Variants in MAMDC2 observed in about 807,000 individuals in gnomAD.
MAMDC2 encodes MAM domain-containing protein 2.
In MAMDC2, 57 loss-of-function variants were observed where a neutral mutation model predicts 89.8. That is an observed-to-expected ratio of 0.63 (90% CI 0.51 to 0.79). The LOEUF (loss-of-function observed/expected upper bound fraction) is 0.79. MAMDC2 is among the 30% of genes least tolerant of loss of function. MAMDC2 has a pLI of 0.00. For synonymous variants in MAMDC2, 313 were observed against 293.4 expected (o/e 1.07, Z -0.68); for missense variants, 800 against 820.6 (o/e 0.97, Z 0.31).
intron 2 of MAMDC2, among the ~76,000 whole-genome samples, chr9:70,093,495 G>A (rs1291480047): frequency 2.0e-5 from 3 of 149,474 alleles, no homozygotes; most frequent in South Asian, 2.1e-4. Flanking sequence ...GTAAGATCTC[G>A]GGTTACTGAA....
chr9:70,221,380 TAGAG>T (rs58804811), intron 12 of MAMDC2, among the ~76,000 whole-genome samples: 3 of 7,044 alleles, frequency 4.3e-4, no homozygotes, highest in Non-Finnish European at 5.2e-4. Context: ...TATATATATA[TAGAG>T]AGAGAGAGAG....
intron 2 of MAMDC2, among the ~76,000 whole-genome samples, chr9:70,077,949 A>G (rs967158568): frequency 1.3e-5 from 2 of 151,858 alleles, no homozygotes; most frequent in Admixed American, 1.3e-4. Flanking sequence ...CAGGTAAGAA[A>G]ATTTCATTTG....
intron 5 of MAMDC2, among the ~76,000 whole-genome samples, chr9:70,118,873 T>G (rs1416696041): frequency 1.3e-5 from 2 of 152,226 alleles, no homozygotes; most frequent in Non-Finnish European, 2.9e-5. Flanking sequence ...AACTACAATG[T>G]GATATGAGTT....
chr9:70,140,068 T>C (rs2031155650), intron 7 of MAMDC2, 77 bp from the exon 8 acceptor site: 1 of 1,421,150 alleles, frequency 7.0e-7, no homozygotes, highest in South Asian at 1.6e-5. Context: ...TGTGTATATA[T>C]AAATATCTGT....
In MAMDC2 at chr9:70,218,601, G is replaced by A. The variant is rs201963293; in HGVS notation, c.1911+5G>A. 3.1e-6 allele frequency: 5 copies of A among 1,599,062 alleles called. No individual in the cohort carries two copies. The highest frequency in any genetic ancestry group is 2.2e-5 in the South Asian group (2 of 89,118). On this transcript the variant is annotated splice_donor_5th_base_variant and intron_variant, in intron 12 of 13. Coordinates refer to ENST00000377182, the MANE Select transcript of MAMDC2 (RefSeq NM_153267.5). ...AGCTGTGAGAGGCAACACCAGGTAA[G>A]CCAACAGAGATAAGAACTAAGCAAT...
At chr9:70,152,708 T>G (rs2118456550) in intron 9 of MAMDC2, among the ~76,000 whole-genome samples, 1 of 152,266 alleles carries the variant, frequency 6.6e-6, no homozygotes, top group East Asian at 1.9e-4. Flanking sequence ...TAGAAATAAC[T>G]TTGGCTCCTA....
chr9:70,109,878 A>C, intron 4 of MAMDC2, 74 bp downstream of exon 4: 1 of 1,229,312 alleles, frequency 8.1e-7, no homozygotes, highest in Admixed American at 1.7e-5. Context: ...GAGGGAACTG[A>C]ATCAATCCTA....
chr9:70,122,070 C>A, intron 5 of MAMDC2, among the ~76,000 whole-genome samples: 1 of 152,180 alleles, frequency 6.6e-6, no homozygotes, highest in East Asian at 1.9e-4. Flanking sequence ...GATGAGCTAC[C>A]TTTTGTTCCC....
intron 5 of MAMDC2, among the ~76,000 whole-genome samples, chr9:70,123,537 A>C (rs756789601): frequency 1.1e-4 from 16 of 152,212 alleles, no homozygotes; most frequent in Non-Finnish European, 1.9e-4. Context: ...GTTTAAAAAA[A>C]TATGGTGGGG....
intron 8 of MAMDC2, among the ~76,000 whole-genome samples, chr9:70,141,696 G>C (rs374193020): frequency 6.6e-6 from 1 of 152,276 alleles, no homozygotes; most frequent in South Asian, 2.1e-4. Context: ...AGGCCTGAGA[G>C]CTTCAACACC....
chr9:70,118,153 C>A (rs946512620), intron 5 of MAMDC2, among the ~76,000 whole-genome samples: 18 of 149,520 alleles, frequency 1.2e-4, no homozygotes, highest in African/African-American at 4.6e-4. Flanking sequence ...GGCAGAGGAA[C>A]CCCTGAGTTC....
intron 9 of MAMDC2, among the ~76,000 whole-genome samples, chr9:70,162,679 AG>A (rs1312748353): frequency 6.6e-6 from 1 of 151,888 alleles, no homozygotes; most frequent in Admixed American, 6.6e-5. Flanking sequence ...TTTAGTAGAG[AG>A]GGGGTTTTGC....
At chr9:70,103,979 C>T (rs1388827318) in intron 2 of MAMDC2, among the ~76,000 whole-genome samples, 3 of 147,088 alleles carry the variant, frequency 2.0e-5, no homozygotes, top group African/African-American at 7.9e-5. Flanking sequence ...AAGACTCCGT[C>T]TCCATTTAAA....
chr9:70,126,383 G>A lies in MAMDC2; in HGVS notation c.868G>A (p.Glu290Lys). Residue 290 changes from glutamate to lysine, a missense_variant, in exon 6 of 14, where the codon GAG (glutamate) becomes AAG (lysine). Transcript: ENST00000377182. The part of the protein sequence containing the change: ...RPGNAAWNLA[E>K]VEFSAPYPME... Reference sequence around the variant, plus strand: ...AGGGAATGCTGCCTGGAACCTTGCGGAGGTCGAGTTCAGTGCTCCTTACCC... The same window carrying A: ...AGGGAATGCTGCCTGGAACCTTGCGAAGGTCGAGTTCAGTGCTCCTTACCC... 6.2e-7 allele frequency: 1 copy of A among 1,613,916 alleles called. No individual in the cohort carries two copies. The highest frequency in any genetic ancestry group is 8.5e-7 in the Non-Finnish European group (1 of 1,179,994).
intron 10 of MAMDC2, chr9:70,170,096 T>C (rs1459486998): frequency 6.0e-6 from 1 of 165,902 alleles, no homozygotes; most frequent in Non-Finnish European, 1.3e-5. Context: ...CCTTCACTCA[T>C]CCAGGATTTC....
chr9:70,127,778 G>C (rs970586170), intron 6 of MAMDC2, among the ~76,000 whole-genome samples: 1 of 151,588 alleles, frequency 6.6e-6, no homozygotes, highest in African/African-American at 2.4e-5. Flanking sequence ...GTCTCGATTT[G>C]TTCTTGCAGC....
In MAMDC2 at chr9:70,100,311, C is replaced by T. The variant is rs529790107; in HGVS notation, c.149-7900C>T. On this transcript the variant is annotated intron_variant, in intron 2 of 13. Transcript: ENST00000377182. Reference sequence around the variant, plus strand: ...CCAAAGTGACATTGTTTCTAAGTGGCGTGGCCAAGATTTGAACCAACATCA... The same window carrying T: ...CCAAAGTGACATTGTTTCTAAGTGGTGTGGCCAAGATTTGAACCAACATCA... Among the ~76,000 whole-genome samples, 8 of 152,230 alleles carry T rather than the reference C, an allele frequency of 5.3e-5. No individual in the cohort carries two copies. The East Asian group carries it at 1.4e-3, about 26-fold the overall frequency.
At chr9:70,131,770 C>G (rs1385492138) in intron 7 of MAMDC2, among the ~76,000 whole-genome samples, 158 bp downstream of exon 7, 2 of 152,192 alleles carry the variant, frequency 1.3e-5, no homozygotes, top group African/African-American at 2.4e-5. Context: ...TGGAATATTA[C>G]TCTCTTTTCC....
At chr9:70,100,159 A>G (rs1255924753) in intron 2 of MAMDC2, among the ~76,000 whole-genome samples, 1 of 152,188 alleles carries the variant, frequency 6.6e-6, no homozygotes, top group East Asian at 1.9e-4. Flanking sequence ...AACATTTATT[A>G]AGAACTTGGC....
Sources: allele counts gnomAD v4.1 joint callset (sites outside exome capture counted in the v4.1 genomes callset), GRCh38; gene constraint gnomAD v4.1.1; transcripts MANE v1.5; gene names NCBI Gene and HGNC (gene_info 2026-07-23, HGNC 2026-07-21).